The following MARCHF4 variants were observed in gnomAD, a reference collection of about 807,000 sequenced individuals.
MARCHF4 encodes the protein membrane associated ring-CH-type finger 4.
Under a neutral mutation model 43.9 loss-of-function variants are expected in MARCHF4, and 14 were observed. The observed-to-expected ratio is 0.32, with a 90% CI of 0.21 to 0.50. MARCHF4 has a LOEUF of 0.50. Among genes scored for constraint, MARCHF4 ranks in the 20% least tolerant of loss-of-function variants. MARCHF4 has a pLI of 0.98. For synonymous variants in MARCHF4, 226 were observed against 213.3 expected, an observed-to-expected ratio of 1.06 and a Z score of -0.52; for missense variants, 468 against 536.7, an observed-to-expected ratio of 0.87 and a Z score of 1.27.
intron 1 of MARCHF4, among the ~76,000 whole-genome samples, chr2:216,368,182 C>G (rs375399524): frequency 6.6e-6 from 1 of 152,268 alleles, no homozygotes; most frequent in East Asian, 1.9e-4. Context: ...ATTTAGGAAG[C>G]CAAATAATTC....
intron 2 of MARCHF4, among the ~76,000 whole-genome samples, chr2:216,281,016 A>T (rs1691117514): frequency 6.7e-6 from 1 of 148,912 alleles, no homozygotes; most frequent in African/African-American, 2.5e-5. Context: ...CGCTGAGATG[A>T]TGCCCCATGT....
chr2:216,346,567 C>T (rs1041888590), intron 1 of MARCHF4, among the ~76,000 whole-genome samples: 6 of 151,898 alleles, frequency 4.0e-5, no homozygotes, highest in Non-Finnish European at 8.8e-5. Flanking sequence ...TCTGCTGAAG[C>T]TTATAGGAGG....
intron 3 of MARCHF4, among the ~76,000 whole-genome samples, chr2:216,276,021 C>T (rs973858657): frequency 2.6e-5 from 4 of 152,230 alleles, no homozygotes; most frequent in Admixed American, 6.5e-5. Context: ...GAACCAAAGC[C>T]ATCTCCCAAA....
At chr2:216,277,900 G>A (rs1691054232) in intron 2 of MARCHF4, 36 bp from the exon 3 acceptor site, 1 of 1,577,876 alleles carries the variant, frequency 6.3e-7, no homozygotes, top group Non-Finnish European at 8.7e-7. Context: ...GCAGTTGCTT[G>A]GATGCCCTTA....
In MARCHF4 at chr2:216,258,495, C is replaced by G. The variant is rs1283483247; in HGVS notation, c.*817G>C. 1 of 131,340 alleles carries G rather than the reference C, an allele frequency of 7.6e-6. No individual in the cohort carries two copies. The highest frequency in any genetic ancestry group is 1.6e-5 in the Non-Finnish European group (1 of 62,274). The allele number at this position is 131,340 out of a possible 1,614,324, so 8.1% of individuals were successfully genotyped here. The stretch of plus-strand genomic sequence containing the variant: ...TTGAAATATCCACTGGAAATCTGTA[C>G]TTTTCTCTAGGGGTGTGTGTGTGTG... On this transcript the variant is annotated 3_prime_UTR_variant, in exon 4 of 4. Transcript: ENST00000273067.
intron 1 of MARCHF4, 80 bp downstream of exon 1, chr2:216,369,665 C>T (rs1475227256): frequency 3.4e-6 from 4 of 1,177,182 alleles, no homozygotes; most frequent in East Asian, 4.8e-5. Context: ...TATAACCGTT[C>T]CCCAGGGCAA....
At chr2:216,284,272 T>A (rs2080751) in intron 1 of MARCHF4, among the ~76,000 whole-genome samples, 1 of 151,828 alleles carries the variant, frequency 6.6e-6, no homozygotes, top group Non-Finnish European at 1.5e-5. Context: ...GTCCCTCCAG[T>A]CACCCTTGGG....
At chr2:216,350,486 A>G (rs1360814218) in intron 1 of MARCHF4, among the ~76,000 whole-genome samples, 2 of 148,252 alleles carry the variant, frequency 1.3e-5, no homozygotes, top group African/African-American at 5.0e-5. Flanking sequence ...CATGTGAGCC[A>G]CATAACCTCA....
At chr2:216,332,330 T>A (rs1361658574) in intron 1 of MARCHF4, among the ~76,000 whole-genome samples, 2 of 149,776 alleles carry the variant, frequency 1.3e-5, no homozygotes, top group Non-Finnish European at 3.0e-5. Context: ...AGGTGGAAGT[T>A]GCAGTGCGCC....
At chr2:216,274,433 C>A (rs1190768973) in intron 3 of MARCHF4, among the ~76,000 whole-genome samples, 1 of 152,190 alleles carries the variant, frequency 6.6e-6, no homozygotes, top group Non-Finnish European at 1.5e-5. Flanking sequence ...CTACCCGATT[C>A]TCCCTCCAGA....
chr2:216,362,815 A>T (rs1478250190), intron 1 of MARCHF4, among the ~76,000 whole-genome samples: 1 of 152,230 alleles, frequency 6.6e-6, no homozygotes, highest in Non-Finnish European at 1.5e-5. Context: ...AGGAGGTATC[A>T]AATGTGTACT....
intron 1 of MARCHF4, among the ~76,000 whole-genome samples, chr2:216,364,595 C>A (rs1029527108): frequency 6.6e-6 from 1 of 152,224 alleles, no homozygotes; most frequent in Non-Finnish European, 1.5e-5. Flanking sequence ...CTCCCAGGAC[C>A]TGCAGGACTC....
rs186728478 is a variant in MARCHF4 at position 216,347,369 on chromosome 2, T to C, written c.516+22376A>G. ...GAAAATAGAATGGAGAAAATAAAAA[T>C]GAAAGCAGGAAGTCAAAACAAAGGC... On this transcript the variant is annotated intron_variant, in intron 1 of 3. Coordinates refer to ENST00000273067, the MANE Select transcript of MARCHF4 (RefSeq NM_020814.3). Among the ~76,000 whole-genome samples the C allele has an allele frequency of 5.9e-5, 9 of 152,102 alleles. No homozygotes were observed. In the East Asian group the frequency reaches 1.7e-3, roughly 29 times the overall value.
At chr2:216,287,204 C>G (rs1358432166) in intron 1 of MARCHF4, among the ~76,000 whole-genome samples, 1 of 152,178 alleles carries the variant, frequency 6.6e-6, no homozygotes, top group African/African-American at 2.4e-5. Context: ...TTCAAATGCT[C>G]TGGGATTAGA....
chr2:216,308,583 C>G (rs952955518), intron 1 of MARCHF4, among the ~76,000 whole-genome samples: 1 of 152,168 alleles, frequency 6.6e-6, no homozygotes, highest in African/African-American at 2.4e-5. Context: ...TAAGGTGTGG[C>G]TTGTAAGCCA....
In MARCHF4 at chr2:216,278,390, A is replaced by AT. The variant is rs1441905480; in HGVS notation, c.673-527dup. Reference sequence around the variant, plus strand: ...AGGCACCCAACACCATGCGTGGCTAATTTTTTTGTATTTTTTAGTAGAGAC... The same window carrying AT: ...AGGCACCCAACACCATGCGTGGCTAATTTTTTTTGTATTTTTTAGTAGAGAC... On this transcript the variant is annotated intron_variant, in intron 2 of 3. Coordinates refer to ENST00000273067, the MANE Select transcript of MARCHF4 (RefSeq NM_020814.3). 2.6e-5 allele frequency among the ~76,000 whole-genome samples: 4 copies of AT among 152,064 alleles called. No homozygotes were observed. The East Asian group carries it at 7.8e-4, about 30-fold the overall frequency.
At position 216,370,146 on chromosome 2, in the gene MARCHF4, T is replaced by C. The variant is rs1692735279; in HGVS notation, c.115A>G (p.Lys39Glu). The change falls in exon 1 of 4, where the codon AAG becomes GAG. Residue 39 changes from lysine (K) to glutamate (E), a missense_variant. This residue lies in a region of MARCHF4 where 190 missense variants were observed against 158.5 expected (regional missense o/e 1.20). Transcript: ENST00000273067. ...TTGAAGAGCATGCGGCAGCGGCACT[T>C]GAGGAGACCCTGGTGGCGCAACATC... ...PQMLRHQGLLKCRCRMLFNDL... is the reference protein window; with the variant it reads ...PQMLRHQGLLECRCRMLFNDL... The C allele has an allele frequency of 6.2e-7, 1 of 1,609,258 alleles. No homozygotes were observed. Among genetic ancestry groups the C allele is most frequent in the Non-Finnish European group, 8.5e-7 (1 of 1,178,136 alleles).
chr2:216,275,853 A>C (rs1352047401), intron 3 of MARCHF4, among the ~76,000 whole-genome samples: 1 of 152,126 alleles, frequency 6.6e-6, no homozygotes, highest in African/African-American at 2.4e-5. Flanking sequence ...GATGCATTGC[A>C]AGTTTCCACC....
At chr2:216,336,840 T>C (rs1301735219) in intron 1 of MARCHF4, among the ~76,000 whole-genome samples, 1 of 148,564 alleles carries the variant, frequency 6.7e-6, no homozygotes, top group African/African-American at 2.5e-5. Flanking sequence ...TGACCAACAA[T>C]TCTGCTTCAA....
Sources: allele counts gnomAD v4.1 joint callset (sites outside exome capture counted in the v4.1 genomes callset), GRCh38; gene constraint gnomAD v4.1.1; regional missense constraint gnomAD v4.1.1; transcripts MANE v1.5; gene names NCBI Gene and HGNC (gene_info 2026-07-23, HGNC 2026-07-21).